DNAAF1: variants seen among roughly 807,000 people sequenced by gnomAD.
The protein encoded by DNAAF1 is dynein axonemal assembly factor 1, also known as dynein assembly factor 1, axonemal.
In DNAAF1, 65 loss-of-function variants were observed where a neutral mutation model predicts 71.1. The ratio of observed to expected loss-of-function variants is 0.91; its 90% CI spans 0.75 to 1.12. The LOEUF (loss-of-function observed/expected upper bound fraction) is 1.12, where lower values mean the gene tolerates loss of function less well. Ranked by LOEUF, DNAAF1 falls within the 50% of genes most tolerant of loss-of-function variation. DNAAF1 has a pLI of 0.00. For missense variants in DNAAF1, 1,178 were observed against 899.8 expected, an observed-to-expected ratio of 1.31 and a Z score of -3.96; for synonymous variants, 414 against 354.6, an observed-to-expected ratio of 1.17 and a Z score of -1.88.
intron 7 of DNAAF1, among the ~76,000 whole-genome samples, chr16:84,168,855 C>CA (rs1555524823): frequency 3.3e-5 from 5 of 151,598 alleles, no homozygotes; most frequent in South Asian, 4.2e-4. Flanking sequence ...CACACACACA[C>CA]ACTTTGCTTT....
chr16:84,174,380 G>A, intron 9 of DNAAF1: 1 of 1,318,412 alleles, frequency 7.6e-7, no homozygotes, highest in Non-Finnish European at 9.7e-7. Flanking sequence ...AAGATGAACT[G>A]GCTGTGTCTC....
chr16:84,167,772 T>A (rs2088103470), intron 7 of DNAAF1, among the ~76,000 whole-genome samples: 2 of 152,076 alleles, frequency 1.3e-5, no homozygotes, highest in Non-Finnish European at 2.9e-5. Context: ...TCCCAGCACT[T>A]TGGGAGGCTG....
intron 10 of DNAAF1, chr16:84,174,982 A>G (rs766240307): frequency 2.4e-6 from 1 of 425,306 alleles, no homozygotes; most frequent in Non-Finnish European, 4.4e-6. Context: ...CAGCCTCCCA[A>G]GTAGCTGGGA....
intron 5 of DNAAF1, 104 bp downstream of exon 5, chr16:84,155,853 C>G (rs538560017): frequency 7.1e-7 from 1 of 1,417,356 alleles, no homozygotes; most frequent in East Asian, 2.4e-5. Flanking sequence ...TTCCTGCCTT[C>G]CTTCCCTTTT....
intron 9 of DNAAF1, chr16:84,174,251 A>G: frequency 9.3e-7 from 1 of 1,073,228 alleles, no homozygotes; most frequent in Non-Finnish European, 1.1e-6. Context: ...CCCACAATAC[A>G]AAACAAAAAA....
chr16:84,173,196 G>A, intron 9 of DNAAF1: 3 of 985,284 alleles, frequency 3.0e-6, no homozygotes, highest in Non-Finnish European at 3.6e-6. Context: ...AGGCATGGTG[G>A]CTTACGCCTG....
In DNAAF1 at chr16:84,149,137, C is replaced by T. The variant is rs757969536; in HGVS notation, c.255C>T (p.Gly85=). Residue 85 remains glycine (G), a synonymous_variant, in exon 2 of 12, where the codon GGC becomes GGT. Transcript: ENST00000378553. ...CAAGAGAAGACAGGGAAGATCGGGGCCCCAGGTATGTGGGCATACTCCTAA... is the reference window on the plus strand; with the variant it reads ...CAAGAGAAGACAGGGAAGATCGGGGTCCCAGGTATGTGGGCATACTCCTAA... ...AHPREDREDR[G]PRMTKSSLQK... 6.2e-7 allele frequency: 1 copy of T among 1,613,928 alleles called. No homozygotes were observed. Among genetic ancestry groups the T allele is most frequent in the East Asian group, 2.2e-5 (1 of 44,846 alleles).
chr16:84,175,887 T>A (rs1378271405), intron 10 of DNAAF1, 46 bp from the exon 11 acceptor site: 2 of 1,608,068 alleles, frequency 1.2e-6, no homozygotes, highest in South Asian at 1.1e-5. Flanking sequence ...AGAGCGATTC[T>A]GTTGTGAAAA....
Position 84,155,760 on chromosome 16 carries a change from AAAAC to A in DNAAF1, c.741+15_741+18del, listed in dbSNP as rs747603124. The A allele has an allele frequency of 6.2e-7, 1 of 1,614,040 alleles. No individual in the cohort carries two copies. Among genetic ancestry groups the A allele is most frequent in the South Asian group, 1.1e-5 (1 of 91,086 alleles). On this transcript the variant is annotated intron_variant, in intron 5 of 11. Transcript: ENST00000378553. ...AGCATGCCCGATTTGGTAAAAAACA[AAAAC>A]AAAAACAACGAAAAAGCACCACAGG...
intron 6 of DNAAF1, among the ~76,000 whole-genome samples, chr16:84,163,383 CTT>C (rs71382897): frequency 7.0e-4 from 95 of 135,494 alleles, no homozygotes; most frequent in Admixed American, 1.1e-3. Context: ...CTCTCTTTTT[CTT>C]TTTTTTTTTT....
Position 84,159,096 on chromosome 16 carries a change from G to C in DNAAF1, c.742-579G>C, listed in dbSNP as rs578010801. 8.1e-6 allele frequency: 8 copies of C among 992,722 alleles called. No individual in the cohort carries two copies. In the South Asian group the frequency reaches 3.2e-4, roughly 39 times the overall value. 61.5% of individuals were successfully genotyped at this position (992,722 alleles called of 1,614,324 possible). On this transcript the variant is annotated intron_variant, in intron 5 of 11. Coordinates refer to ENST00000378553, the MANE Select transcript of DNAAF1 (RefSeq NM_178452.6). The stretch of plus-strand genomic sequence containing the variant: ...GAGGAAGAGACAGTATTTAAAGATG[G>C]GGGAGGATGGCAGGTCGGATTGCCG...
At chr16:84,172,234 C>G (rs1487159033) in intron 8 of DNAAF1, 26 bp from the exon 9 acceptor site, 1 of 1,610,050 alleles carries the variant, frequency 6.2e-7, no homozygotes, top group East Asian at 2.2e-5. Context: ...GTTAAACTAA[C>G]TCCAAGACTT....
chr16:84,164,195 C>A (rs1250348232), intron 6 of DNAAF1, among the ~76,000 whole-genome samples: 2 of 150,060 alleles, frequency 1.3e-5, no homozygotes, highest in African/African-American at 4.9e-5. Flanking sequence ...CTCACTGTTT[C>A]CCCTATTTGT....
At chr16:84,155,774 G>A (rs761468063) in intron 5 of DNAAF1, 25 bp downstream of exon 5, 29 of 1,613,064 alleles carry the variant, frequency 1.8e-5, no homozygotes, top group Middle Eastern at 1.6e-4. Flanking sequence ...CAAAAACAAC[G>A]AAAAAGCACC....
At position 84,154,862 on chromosome 16, in the gene DNAAF1, G is replaced by A. The variant is rs114150707; in HGVS notation, c.574+64G>A. On this transcript the variant is annotated intron_variant, in intron 4 of 11. Transcript: ENST00000378553. ...TGTCCATCACCTTCCCCTGAGGGAT[G>A]TTCTAAGCTTTTATATTATGGGCAA... The A allele has an allele frequency of 7.3e-4, 976 of 1,338,508 alleles. 3 individuals are homozygous for A. The African/African-American group carries it at 0.011, about 15-fold the overall frequency. 82.9% of individuals were successfully genotyped at this position (1,338,508 alleles called of 1,614,324 possible).
At chr16:84,147,531 G>T (rs1021860410) in intron 1 of DNAAF1, among the ~76,000 whole-genome samples, 61 of 150,906 alleles carry the variant, frequency 4.0e-4, no homozygotes, top group African/African-American at 1.5e-3. Flanking sequence ...TTTTTTTTAA[G>T]AGATGGAATC....
In DNAAF1 at chr16:84,177,715, C is replaced by A. The variant is rs1212740166; in HGVS notation, c.2066-14C>A. The A allele has an allele frequency of 1.9e-6, 3 of 1,609,616 alleles. No homozygotes were observed. Among genetic ancestry groups the A allele is most frequent in the Non-Finnish European group, 1.7e-6 (2 of 1,176,310 alleles). On this transcript the variant is annotated splice_polypyrimidine_tract_variant and intron_variant, in intron 11 of 11. Transcript: ENST00000378553. Reference sequence around the variant, plus strand: ...GTGACAGGGAGAAAGCACAGGTCACCCTTCCTTCCACAGTGCCGACTGAGA... The same window carrying A: ...GTGACAGGGAGAAAGCACAGGTCACACTTCCTTCCACAGTGCCGACTGAGA...
In DNAAF1 at chr16:84,165,963, C is replaced by T. The variant is rs202113269; in HGVS notation, c.1030+14C>T. ...GTCAAGAGAGAGGTATGCGCTCGGC[C>T]GAAGACAACAGCCCCAGAGTTCCTT... On this transcript the variant is annotated intron_variant, in intron 7 of 11. Coordinates refer to ENST00000378553, the MANE Select transcript of DNAAF1 (RefSeq NM_178452.6). The T allele has an allele frequency of 1.9e-3, 3,017 of 1,610,782 alleles. 75 individuals are homozygous for T. In the South Asian group the frequency reaches 0.03, roughly 16 times the overall value.
intron 9 of DNAAF1, chr16:84,173,414 A>G (rs2088478536): frequency 2.3e-6 from 2 of 859,752 alleles, no homozygotes; most frequent in Non-Finnish European, 1.4e-6. Context: ...CAGTGAGCCG[A>G]GATCACGCCA....
Sources: gnomAD v4.1 joint callset for allele counts (sites outside exome capture counted in the v4.1 genomes callset) on GRCh38, gnomAD v4.1.1 for gene constraint, MANE v1.5 for transcripts, NCBI Gene and HGNC (gene_info 2026-07-23, HGNC 2026-07-21) for gene names.